Variants in BMP6 observed in about 807,000 individuals in gnomAD.
BMP6 encodes VG-1-R.
In BMP6, 17 loss-of-function variants were observed where a neutral mutation model predicts 54.1. The observed-to-expected ratio is 0.31, with a 90% CI of 0.22 to 0.47. BMP6 has a LOEUF of 0.47. BMP6 is among the 20% of genes least tolerant of loss of function. The probability of loss-of-function intolerance (pLI) is 1.00; values close to 1 mark genes in which losing one functional copy is unlikely to be tolerated. For missense variants in BMP6, 720 were observed against 690.4 expected, an observed-to-expected ratio of 1.04 and a Z score of -0.48; for synonymous variants, 328 against 291.2, an observed-to-expected ratio of 1.13 and a Z score of -1.28.
chr6:7,871,539 C>T (rs1281567861), intron 4 of BMP6, among the ~76,000 whole-genome samples: 1 of 152,192 alleles, frequency 6.6e-6, no homozygotes, highest in Non-Finnish European at 1.5e-5. Context: ...TATGGCTGGG[C>T]CCTGCTTGTC....
chr6:7,810,237 A>G (rs1380437154), intron 1 of BMP6, among the ~76,000 whole-genome samples: 1 of 152,238 alleles, frequency 6.6e-6, no homozygotes, highest in Admixed American at 6.5e-5. Context: ...ATGTCACTCA[A>G]GTTGTGGGAT....
At chr6:7,855,123 A>G (rs144594962) in intron 2 of BMP6, among the ~76,000 whole-genome samples, 45 of 152,312 alleles carry the variant, frequency 3.0e-4, no homozygotes, top group Non-Finnish European at 5.0e-4. Context: ...AGCAGCCTAC[A>G]TTTGGTTTGC....
At position 7,727,758 on chromosome 6, in the gene BMP6, G is replaced by A. The variant is rs4382341; in HGVS notation, c.664+139G>A. ...GCGCCAGAGAACGCGGGGACAGGCAGGCTGTGCTCCCGCCACCTGCGCGGC... is the reference window on the plus strand; with the variant it reads ...GCGCCAGAGAACGCGGGGACAGGCAAGCTGTGCTCCCGCCACCTGCGCGGC... On this transcript the variant is annotated intron_variant, in intron 1 of 6. Transcript: ENST00000283147. The A allele has an allele frequency of 4.8e-4, 531 of 1,098,822 alleles. 1 individual carries two copies. In the African/African-American group the frequency reaches 7.2e-3, roughly 15 times the overall value. 68.1% of individuals were successfully genotyped at this position (1,098,822 alleles called of 1,614,324 possible).
intron 2 of BMP6, among the ~76,000 whole-genome samples, chr6:7,854,069 G>A (rs1479981739): frequency 9.2e-5 from 14 of 152,210 alleles, no homozygotes; most frequent in Admixed American, 9.2e-4. Context: ...TTATGCTGGC[G>A]GGAAGAGCCA....
chr6:7,868,138 T>C (rs1748789297), intron 4 of BMP6, among the ~76,000 whole-genome samples: 1 of 152,188 alleles, frequency 6.6e-6, no homozygotes, highest in African/African-American at 2.4e-5. Flanking sequence ...AGTTCCATAT[T>C]CTTTTAGAAT....
Position 7,880,638 on chromosome 6 carries a change from C to A in BMP6, c.*295C>A. On this transcript the variant is annotated 3_prime_UTR_variant, in exon 7 of 7. Transcript: ENST00000283147. ...TCTTCCTACCCTCCTCCCCCAAAAA[C>A]CCACCAAAATTAGTTTTAGCTGTAG... 2.4e-6 allele frequency: 1 copy of A among 418,350 alleles called. No individual in the cohort carries two copies. The highest frequency in any genetic ancestry group is 4.3e-6 in the Non-Finnish European group (1 of 230,452). The allele number at this position is 418,350 out of a possible 1,614,324, so 25.9% of individuals were successfully genotyped here. A position where few individuals can be genotyped will look rare whatever the true frequency, so the allele number is the denominator to read the frequency against.
intron 1 of BMP6, among the ~76,000 whole-genome samples, chr6:7,789,469 T>C (rs960760609): frequency 9.8e-5 from 15 of 152,294 alleles, no homozygotes; most frequent in South Asian, 4.1e-4. Flanking sequence ...CATAGAATTA[T>C]AAAAGGTATA....
chr6:7,860,908 A>G (rs1759322516), intron 2 of BMP6, among the ~76,000 whole-genome samples: 1 of 152,170 alleles, frequency 6.6e-6, no homozygotes, highest in South Asian at 2.1e-4. Context: ...CCTGATTTTT[A>G]TCTTTTCTCA....
intron 1 of BMP6, among the ~76,000 whole-genome samples, chr6:7,829,182 A>T (rs530811979): frequency 6.4e-4 from 97 of 152,280 alleles, no homozygotes; most frequent in African/African-American, 2.3e-3. Context: ...CTGCCACCCC[A>T]TGAGAGAAAC....
rs1167476451 is a variant in BMP6, at chr6:7,862,511, G to A, written c.1204+13G>A. 1.2e-6 allele frequency: 2 copies of A among 1,613,176 alleles called. No individual in the cohort carries two copies. Among genetic ancestry groups the A allele is most frequent in the Admixed American group, 3.3e-5 (2 of 60,006 alleles). On this transcript the variant is annotated intron_variant, in intron 4 of 6. Coordinates refer to ENST00000283147, the MANE Select transcript of BMP6 (RefSeq NM_001718.6). ...TCCAGTGCTTCAGGTGGGTTTGTGG[G>A]GAGCCTGTGTTTCCAGAAAGCCTTG...
chr6:7,822,897 TTG>T (rs56161444), intron 1 of BMP6, among the ~76,000 whole-genome samples: 10,741 of 120,708 alleles, frequency 0.089, 380 homozygotes, highest in Non-Finnish European at 0.098. Context: ...TTGGTGCTGG[TTG>T]TGTGTGTGTG....
chr6:7,878,119 T>G (rs868024855), intron 4 of BMP6, among the ~76,000 whole-genome samples: 1 of 152,168 alleles, frequency 6.6e-6, no homozygotes, highest in Non-Finnish European at 1.5e-5. Context: ...GAACTGTCCC[T>G]TCTCTGAAGG....
intron 1 of BMP6, among the ~76,000 whole-genome samples, chr6:7,777,148 C>A (rs1231782616): frequency 6.6e-6 from 1 of 152,202 alleles, no homozygotes; most frequent in African/African-American, 2.4e-5. Flanking sequence ...ATATCTTCCA[C>A]CTGAGAAGGT....
At chr6:7,833,343 A>G (rs1404742345) in intron 1 of BMP6, among the ~76,000 whole-genome samples, 1 of 152,202 alleles carries the variant, frequency 6.6e-6, no homozygotes, top group Non-Finnish European at 1.5e-5. Context: ...TGGACAGTAT[A>G]GTTCTAGAAA....
intron 1 of BMP6, among the ~76,000 whole-genome samples, chr6:7,773,951 A>G (rs1468010179): frequency 6.6e-6 from 1 of 152,160 alleles, no homozygotes; most frequent in Non-Finnish European, 1.5e-5. Flanking sequence ...CTGGGAATGT[A>G]TGAAAGGGCC....
intron 1 of BMP6, among the ~76,000 whole-genome samples, chr6:7,844,608 C>G (rs890514380): frequency 1.3e-5 from 2 of 152,162 alleles, no homozygotes; most frequent in Admixed American, 6.5e-5. Flanking sequence ...TGCCCACCCC[C>G]CTTCCCCACC....
In BMP6 at chr6:7,880,484, G is replaced by C. The variant is rs1301187259; in HGVS notation, c.*141G>C. Reference sequence around the variant, plus strand: ...ATGCCAGTGCCTTATTACCCAGGAAGATTTTAAAGGACCTCATTAATAATT... The same window carrying C: ...ATGCCAGTGCCTTATTACCCAGGAACATTTTAAAGGACCTCATTAATAATT... On this transcript the variant is annotated 3_prime_UTR_variant, in exon 7 of 7. Coordinates refer to ENST00000283147, the MANE Select transcript of BMP6 (RefSeq NM_001718.6). The C allele has an allele frequency of 6.2e-6, 7 of 1,133,934 alleles. No individual in the cohort carries two copies. Among genetic ancestry groups the C allele is most frequent in the East Asian group, 4.8e-5 (2 of 42,042 alleles). The allele number at this position is 1,133,934 out of a possible 1,614,324, so 70.2% of individuals were successfully genotyped here. A position where few individuals can be genotyped will look rare whatever the true frequency, so the allele number is the denominator to read the frequency against.
Position 7,880,284 on chromosome 6 carries a change from T to C in BMP6, c.1483T>C (p.Ser495Pro). 1 of 1,614,098 alleles carries C rather than the reference T, an allele frequency of 6.2e-7. No homozygotes were observed. Among genetic ancestry groups the C allele is most frequent in the African/African-American group, 1.3e-5 (1 of 75,012 alleles). Residue 495 changes from serine (S) to proline (P), a missense_variant, in exon 7 of 7, where the codon TCC becomes CCC. This residue lies in a region of BMP6 where 43 missense variants were observed against 54.0 expected (regional missense o/e 0.80). Transcript: ENST00000283147. ...CTCGGTTCTTTACTTTGATGACAACTCCAATGTCATTCTGAAAAAATACAG... is the reference window on the plus strand; with the variant it reads ...CTCGGTTCTTTACTTTGATGACAACCCCAATGTCATTCTGAAAAAATACAG... ...AISVLYFDDN[S>P]NVILKKYRNM... is the part of the protein sequence containing the mutation.
chr6:7,772,062 A>AAAC (rs1554119966), intron 1 of BMP6, among the ~76,000 whole-genome samples: 2 of 149,232 alleles, frequency 1.3e-5, no homozygotes, highest in East Asian at 3.9e-4. Context: ...AAAAAAAAAA[A>AAAC]CCAAAAAAAC....
Sources: gnomAD v4.1 joint callset for allele counts (sites outside exome capture counted in the v4.1 genomes callset) on GRCh38, gnomAD v4.1.1 for gene constraint, gnomAD v4.1.1 regional missense constraint, MANE v1.5 for transcripts, NCBI Gene and HGNC (gene_info 2026-07-23, HGNC 2026-07-21) for gene names.